The following PITPNM2 variants were observed in gnomAD, a reference collection of about 807,000 sequenced individuals.
PITPNM2 encodes the protein membrane-associated phosphatidylinositol transfer protein 2.
PITPNM2 carries 35 observed loss-of-function variants against 132.2 expected under a neutral mutation model. That is an observed-to-expected ratio of 0.26 (90% CI 0.20 to 0.35). The LOEUF (loss-of-function observed/expected upper bound fraction) is 0.35. Ranked by LOEUF, PITPNM2 falls within the 10% of genes least tolerant of loss-of-function variation. The pLI, the probability that PITPNM2 is intolerant of heterozygous loss-of-function variation, is 1.00. For missense variants in PITPNM2, 1,332 were observed against 1,912.0 expected (o/e 0.70, Z 5.66); for synonymous variants, 738 against 799.2 (o/e 0.92, Z 1.29).
chr12:123,079,478 C>G (rs2041892824), intron 2 of PITPNM2, among the ~76,000 whole-genome samples: 1 of 143,726 alleles, frequency 7.0e-6, no homozygotes, highest in Non-Finnish European at 1.5e-5. Context: ...GCCCAAGTAG[C>G]TGGGATTATA....
At chr12:122,991,994 AC>A in intron 16 of PITPNM2, 1 of 1,172,020 alleles carries the variant, frequency 8.5e-7, no homozygotes, top group Non-Finnish European at 1.1e-6. Flanking sequence ...CTCCTCGAGG[AC>A]CAGGACGTGA....
At chr12:123,105,892 C>A (rs1461163307) in intron 2 of PITPNM2, among the ~76,000 whole-genome samples, 1 of 152,114 alleles carries the variant, frequency 6.6e-6, no homozygotes, top group Non-Finnish European at 1.5e-5. Context: ...TGTAGAGAAA[C>A]CCCCAGCCCC....
At chr12:123,054,565 A>G (rs2040959526) in intron 2 of PITPNM2, among the ~76,000 whole-genome samples, 2 of 152,234 alleles carry the variant, frequency 1.3e-5, no homozygotes, top group African/African-American at 4.8e-5. Context: ...ATGCAGTCCA[A>G]GAGAATCCTG....
chr12:123,032,216 C>T (rs1229495076), intron 3 of PITPNM2, among the ~76,000 whole-genome samples: 5 of 152,226 alleles, frequency 3.3e-5, no homozygotes, highest in Middle Eastern at 3.2e-3. Flanking sequence ...TCGTGGCTCA[C>T]GCCTGTAATC....
chr12:123,075,201 C>A (rs987287947), intron 2 of PITPNM2, among the ~76,000 whole-genome samples: 1 of 152,068 alleles, frequency 6.6e-6, no homozygotes, highest in East Asian at 1.9e-4. Flanking sequence ...TGTATAAGTA[C>A]GTGTGTGTTC....
chr12:123,112,753 TG>T (rs1170444620), intron 1 of PITPNM2, among the ~76,000 whole-genome samples: 1 of 152,166 alleles, frequency 6.6e-6, no homozygotes, highest in Non-Finnish European at 1.5e-5. Context: ...TTAGCCAGGA[TG>T]GTCTTTATCT....
chr12:123,067,254 G>A (rs766174296), intron 2 of PITPNM2, among the ~76,000 whole-genome samples: 18 of 152,028 alleles, frequency 1.2e-4, no homozygotes, highest in Non-Finnish European at 2.2e-4. Flanking sequence ...TCAGGAGTTC[G>A]AGACCAGCAT....
chr12:122,986,704 C>T lies in PITPNM2; in HGVS notation c.3539G>A (p.Gly1180Asp). 6.2e-7 allele frequency: 1 copy of T among 1,613,526 alleles called. No homozygotes were observed. Among genetic ancestry groups the T allele is most frequent in the Non-Finnish European group, 8.5e-7 (1 of 1,180,004 alleles). Residue 1180 changes from glycine to aspartate, a missense_variant, in exon 24 of 26, where the codon GGC becomes GAC. This residue lies in a region of PITPNM2 where 251 missense variants were observed against 472.0 expected (regional missense o/e 0.53). Coordinates refer to ENST00000320201, the MANE Select transcript of PITPNM2 (RefSeq NM_020845.3). ...GTGCCGCAGCGGGTCATGCACCAGG[C>T]CGTCACAGAAGGACACCACGCCATG... ...FPHGVVSFCD[G>D]LVHDPLRHKA...
chr12:123,080,278 G>A (rs917635657), intron 2 of PITPNM2, among the ~76,000 whole-genome samples: 1 of 152,082 alleles, frequency 6.6e-6, no homozygotes, highest in African/African-American at 2.4e-5. Flanking sequence ...GAGTGCAGTG[G>A]TGTGATTATA....
intron 2 of PITPNM2, among the ~76,000 whole-genome samples, chr12:123,068,504 T>A (rs1215411051): frequency 6.7e-6 from 1 of 150,270 alleles, no homozygotes; most frequent in African/African-American, 2.5e-5. Flanking sequence ...TAAATAAAAA[T>A]AATCCTTGGG....
chr12:123,098,637 G>C (rs912852908), intron 2 of PITPNM2, among the ~76,000 whole-genome samples: 1 of 152,164 alleles, frequency 6.6e-6, no homozygotes, highest in Non-Finnish European at 1.5e-5. Flanking sequence ...CTTGAGCCCA[G>C]GAGTTCAAGG....
At chr12:123,102,805 A>T (rs1448125045) in intron 2 of PITPNM2, among the ~76,000 whole-genome samples, 1 of 152,190 alleles carries the variant, frequency 6.6e-6, no homozygotes, top group Non-Finnish European at 1.5e-5. Flanking sequence ...TGATCAACCT[A>T]AGTGTATGGG....
At chr12:123,057,303 C>T (rs1566270855) in intron 2 of PITPNM2, among the ~76,000 whole-genome samples, 1 of 151,360 alleles carries the variant, frequency 6.6e-6, no homozygotes, top group Non-Finnish European at 1.5e-5. Context: ...TCGCTTGAAC[C>T]CGGGAGGCAG....
intron 3 of PITPNM2, among the ~76,000 whole-genome samples, chr12:123,019,251 C>T (rs1331232739): frequency 3.9e-5 from 6 of 152,122 alleles, no homozygotes; most frequent in Admixed American, 6.5e-5. Flanking sequence ...TTCAAAATCC[C>T]GTGGGTCAAG....
chr12:123,103,667 T>C (rs560896098), intron 2 of PITPNM2, among the ~76,000 whole-genome samples: 2 of 152,330 alleles, frequency 1.3e-5, no homozygotes, highest in South Asian at 4.1e-4. Context: ...GTAAAAACAC[T>C]GGACCTGCAT....
chr12:123,029,938 C>A (rs1292944283), intron 3 of PITPNM2, among the ~76,000 whole-genome samples: 1 of 143,086 alleles, frequency 7.0e-6, no homozygotes, highest in African/African-American at 2.5e-5. Context: ...GAAAACAGAC[C>A]CACAGACCTA....
chr12:123,127,275 C>A (rs112385433), intron 1 of PITPNM2, among the ~76,000 whole-genome samples: 1 of 152,180 alleles, frequency 6.6e-6, no homozygotes, highest in South Asian at 2.1e-4. Flanking sequence ...TCCTGGGAGT[C>A]CAGGTCGCAG....
In PITPNM2 at chr12:123,150,018, C is replaced by CA. The variant is rs1468064036; in HGVS notation, c.-200+734dup. The CA allele has an allele frequency of 1.3e-5, 2 of 152,232 alleles. No homozygotes were observed. The highest frequency in any genetic ancestry group is 4.8e-5 in the African/African-American group (2 of 41,396). The allele number at this position is 152,232 out of a possible 1,614,324, so 9.4% of individuals were successfully genotyped here. On this transcript the variant is annotated intron_variant, in intron 1 of 25. Coordinates refer to ENST00000320201, the MANE Select transcript of PITPNM2 (RefSeq NM_020845.3). The surrounding 1 kb of genome is among the most constrained non-coding windows in gnomAD (Gnocchi z 6.0). ...CAGGAGCAAGTCGGTGGAAAGGGGA[C>CA]AAGCCTGGAGGACTTGCCTTGAAAT...
chr12:123,108,100 G>A lies in PITPNM2; in HGVS notation c.-96+2285C>T, dbSNP rs192566652. Among the ~76,000 whole-genome samples the A allele has an allele frequency of 1.1e-4, 17 of 152,344 alleles. No homozygotes were observed. The highest frequency in any genetic ancestry group is 1.9e-4 in the African/African-American group (8 of 41,566). Reference sequence around the variant, plus strand: ...GATGCTGGAACTGCATAAGCAAAGCGCAGAGAATGTACCAGCATATAAACT... The same window carrying A: ...GATGCTGGAACTGCATAAGCAAAGCACAGAGAATGTACCAGCATATAAACT... On this transcript the variant is annotated intron_variant, in intron 2 of 25. Coordinates refer to ENST00000320201, the MANE Select transcript of PITPNM2 (RefSeq NM_020845.3). This position sits in a 1 kb window ranked among gnomAD's most constrained non-coding sequence, Gnocchi z 4.4.
Sources: gnomAD v4.1 joint callset for allele counts (sites outside exome capture counted in the v4.1 genomes callset) on GRCh38, gnomAD v4.1.1 for gene constraint, gnomAD v4.1.1 regional missense constraint, Gnocchi (gnomAD v3.1) non-coding constraint, MANE v1.5 for transcripts, NCBI Gene and HGNC (gene_info 2026-07-23, HGNC 2026-07-21) for gene names.